Variants in GALT observed in about 807,000 individuals in gnomAD.
The protein encoded by GALT is galactose-1-phosphate uridylyltransferase.
In GALT, 42 loss-of-function variants were observed where a neutral mutation model predicts 55.4. The ratio of observed to expected loss-of-function variants is 0.76; its 90% confidence interval spans 0.59 to 0.98. GALT has a LOEUF of 0.98. Among genes scored for constraint, GALT ranks in the 50% least tolerant of loss-of-function variants. The probability of loss-of-function intolerance (pLI) is 0.00; values close to 1 mark genes in which losing one functional copy is unlikely to be tolerated. For missense variants in GALT, 407 were observed against 495.7 expected (o/e 0.82, Z 1.70); for synonymous variants, 154 against 181.5 (o/e 0.85, Z 1.22).
At position 34,649,547 on chromosome 9, in the gene GALT, G is replaced by A; in HGVS notation, c.1042G>A (p.Asp348Asn). ...CGAAATGCTTGCTCAGGCTCAGAGG[G>A]ACCTCACCCCTGAGCAGGTCAGGAC... ...GYEMLAQAQR[D>N]LTPEQAAERL... is the part of the protein sequence containing the mutation. The change falls in exon 10 of 11, where the codon GAC becomes AAC. Residue 348 changes from aspartate (D) to asparagine (N), a missense_variant. Coordinates refer to ENST00000378842, the MANE Select transcript of GALT (RefSeq NM_000155.4). 1 of 1,614,192 alleles carries A rather than the reference G, an allele frequency of 6.2e-7. No homozygotes were observed.
In GALT at chr9:34,647,917, G is replaced by A; in HGVS notation, c.463G>A (p.Ala155Thr). 1 of 1,614,250 alleles carries A rather than the reference G, an allele frequency of 6.2e-7. No homozygotes were observed. Among genetic ancestry groups the A allele is most frequent in the Admixed American group, 1.7e-5 (1 of 60,028 alleles). The change falls in exon 5 of 11, where the codon GCC becomes ACC. Residue 155 changes from alanine (A) to threonine (T), a missense_variant. Transcript: ENST00000378842. This position sits in a 1 kb window ranked among gnomAD's most constrained non-coding sequence, Gnocchi z 5.6. Reference sequence around the variant, plus strand: ...GATCCGGGCTGTTGTTGATGCATGGGCCTCAGTCACAGAGGAGCTGGGTGC... The same window carrying A: ...GATCCGGGCTGTTGTTGATGCATGGACCTCAGTCACAGAGGAGCTGGGTGC... The part of the protein sequence containing the change: ...PEIRAVVDAW[A>T]SVTEELGAQY...
In GALT at chr9:34,648,396, T is replaced by C; in HGVS notation, c.627T>C (p.Tyr209=). The C allele has an allele frequency of 6.2e-7, 1 of 1,614,146 alleles. No individual in the cohort carries two copies. The highest frequency in any genetic ancestry group is 8.5e-7 in the Non-Finnish European group (1 of 1,180,022). The part of the protein sequence containing the change: ...AQREERSQQA[Y]KSQHGEPLLM... The stretch of plus-strand genomic sequence containing the variant: ...GTGAGGAGCGATCTCAGCAGGCCTA[T>C]AAGAGTCAGCATGGAGAGCCCCTGC... Residue 209 remains tyrosine (Y), a synonymous_variant, in exon 7 of 11, where the codon TAT becomes TAC. Transcript: ENST00000378842. The surrounding 1 kb of genome is among the most constrained non-coding windows in gnomAD (Gnocchi z 4.9).
In GALT at chr9:34,649,032, G is replaced by A; in HGVS notation, c.855G>A (p.Lys285=). The change falls in exon 9 of 11, where the codon AAG becomes AAA. Residue 285 remains lysine (K), a synonymous_variant. Transcript: ENST00000378842. ...LASIMKKLLT[K]YDNLFETSFP... is the part of the protein sequence containing the mutation. ...CCATCATGAAGAAGCTCTTGACCAA[G>A]TATGACAACCTCTTTGAGACGTCCT... The A allele has an allele frequency of 6.2e-7, 1 of 1,614,162 alleles. No homozygotes were observed. The highest frequency in any genetic ancestry group is 8.5e-7 in the Non-Finnish European group (1 of 1,180,034).
chr9:34,650,373 C>T lies in GALT; in HGVS notation c.1064C>T (p.Ala355Val), dbSNP rs1275280081. The change falls in exon 11 of 11, where the codon GCA becomes GTA. Residue 355 changes from alanine to valine, a missense_variant. By Grantham distance (64) the Ala-to-Val change is moderately conservative (BLOSUM62 0). Coordinates refer to ENST00000378842, the MANE Select transcript of GALT (RefSeq NM_000155.4). The stretch of plus-strand genomic sequence containing the variant: ...TGCTCCCTGTCCCTTTTCCAGGCTG[C>T]AGAGAGACTAAGGGCACTTCCTGAG... ...AQRDLTPEQA[A>V]ERLRALPEVH... 1 of 1,613,204 alleles carries T rather than the reference C, an allele frequency of 6.2e-7. No individual in the cohort carries two copies. The highest frequency in any genetic ancestry group is 2.2e-5 in the East Asian group (1 of 44,852).
Position 34,647,176 on chromosome 9 carries a change from T to A in GALT, c.170T>A (p.Val57Glu). The change falls in exon 2 of 11, where the codon GTG becomes GAG. Residue 57 changes from valine to glutamate, a missense_variant. Transcript: ENST00000378842. This position sits in a 1 kb window ranked among gnomAD's most constrained non-coding sequence, Gnocchi z 5.6. ...HRMKRPWQGQ[V>E]EPQLLKTVPR... is the part of the protein sequence containing the mutation. Reference sequence around the variant, plus strand: ...ATGAAGCGGCCCTGGCAGGGTCAAGTGGAGCCCCAGCTTCTGAAGACAGTG... The same window carrying A: ...ATGAAGCGGCCCTGGCAGGGTCAAGAGGAGCCCCAGCTTCTGAAGACAGTG... 1 of 1,614,136 alleles carries A rather than the reference T, an allele frequency of 6.2e-7. No individual in the cohort carries two copies. Among genetic ancestry groups the A allele is most frequent in the Non-Finnish European group, 8.5e-7 (1 of 1,180,014 alleles).
At chr9:34,649,641 T>C in intron 10 of GALT, 77 bp downstream of exon 10, 1 of 1,537,546 alleles carries the variant, frequency 6.5e-7, no homozygotes, top group East Asian at 2.3e-5. Flanking sequence ...TCTGTTGCCC[T>C]TGTGCTCCAG....
chr9:34,647,406 C>A lies in GALT; in HGVS notation c.253-86C>A. 3 of 1,573,346 alleles carry A rather than the reference C, an allele frequency of 1.9e-6. No individual in the cohort carries two copies. Among genetic ancestry groups the A allele is most frequent in the Non-Finnish European group, 2.6e-6 (3 of 1,143,126 alleles). On this transcript the variant is annotated intron_variant, in intron 2 of 10. Coordinates refer to ENST00000378842, the MANE Select transcript of GALT (RefSeq NM_000155.4). This position sits in a 1 kb window ranked among gnomAD's most constrained non-coding sequence, Gnocchi z 5.6. Reference sequence around the variant, plus strand: ...TCCCCTAGGGTGGGCCTTCCCTACTCCCTTGTAGCCTGTCCAGTCTTTGAA... The same window carrying A: ...TCCCCTAGGGTGGGCCTTCCCTACTACCTTGTAGCCTGTCCAGTCTTTGAA...
At position 34,649,419 on chromosome 9, in the gene GALT, C is replaced by T. The variant is rs1383205923; in HGVS notation, c.914C>T (p.Thr305Ile). ...CTCTTCTTTCTGTCAGGGGCTCCCA[C>T]AGGATCAGAGGCTGGGGCCAACTGG... is the stretch of plus-strand genomic sequence containing the variant. ...PYSMGWHGAPTGSEAGANWNH... is the reference protein window; with the variant it reads ...PYSMGWHGAPIGSEAGANWNH... Residue 305 changes from threonine (T) to isoleucine (I), a missense_variant, in exon 10 of 11, where the codon ACA (threonine) becomes ATA (isoleucine). Physicochemically the swap from Thr to Ile is moderately conservative, Grantham distance 89 (BLOSUM62 -1). Transcript: ENST00000378842. 1.2e-6 allele frequency: 2 copies of T among 1,614,184 alleles called. No homozygotes were observed. Among genetic ancestry groups the T allele is most frequent in the African/African-American group, 2.7e-5 (2 of 75,054 alleles).
chr9:34,648,949 G>A lies in GALT; in HGVS notation c.821-49G>A. ...AGGCACTGGATGGAGGTTGCTCCCAGTAGGGTCAGCATCTGGACCCCAGGC... is the reference window on the plus strand; with the variant it reads ...AGGCACTGGATGGAGGTTGCTCCCAATAGGGTCAGCATCTGGACCCCAGGC... On this transcript the variant is annotated intron_variant, in intron 8 of 10. Transcript: ENST00000378842. The surrounding 1 kb of genome is among the most constrained non-coding windows in gnomAD (Gnocchi z 4.9). The A allele has an allele frequency of 1.2e-6, 2 of 1,613,726 alleles. No individual in the cohort carries two copies. Among genetic ancestry groups the A allele is most frequent in the South Asian group, 2.2e-5 (2 of 91,074 alleles).
chr9:34,648,751 T>C lies in GALT; in HGVS notation c.688-11T>C, dbSNP rs765318548. 4 of 1,612,936 alleles carry C rather than the reference T, an allele frequency of 2.5e-6. No individual in the cohort carries two copies. The highest frequency in any genetic ancestry group is 1.1e-5 in the South Asian group (1 of 91,068). ...CACCTTGATGACTTCCTATCCATTCTGTCTTCCTAGGAACGTCTGGTCCTA... is the reference window on the plus strand; with the variant it reads ...CACCTTGATGACTTCCTATCCATTCCGTCTTCCTAGGAACGTCTGGTCCTA... On this transcript the variant is annotated splice_polypyrimidine_tract_variant and intron_variant, in intron 7 of 10. Transcript: ENST00000378842. The surrounding 1 kb of genome is among the most constrained non-coding windows in gnomAD (Gnocchi z 4.9).
chr9:34,647,958 G>A lies in GALT; in HGVS notation c.504G>A (p.Val168=), dbSNP rs913565225. Residue 168 remains valine, a synonymous_variant, in exon 5 of 11, where the codon GTG becomes GTA. Transcript: ENST00000378842. This position sits in a 1 kb window ranked among gnomAD's most constrained non-coding sequence, Gnocchi z 5.6. The stretch of plus-strand genomic sequence containing the variant: ...AGCTGGGTGCCCAGTACCCTTGGGT[G>A]CAGGTTTGTGAGGTCGCCCCTTCCC... The part of the protein sequence containing the change: ...TEELGAQYPW[V]QIFENKGAMM... The A allele has an allele frequency of 4.3e-6, 7 of 1,614,258 alleles. No individual in the cohort carries two copies. The South Asian group carries it at 6.6e-5, about 15-fold the overall frequency.
In GALT at chr9:34,647,030, G is replaced by C. The variant is rs1472054363; in HGVS notation, c.83-59G>C. 1.2e-6 allele frequency: 2 copies of C among 1,612,310 alleles called. No individual in the cohort carries two copies. The highest frequency in any genetic ancestry group is 1.7e-6 in the Non-Finnish European group (2 of 1,179,050). ...CGAGCTTGGGCCTGCTGGTGGGTGA[G>C]ACCCAGGAGAGAGGGAGCTAGAGAG... On this transcript the variant is annotated intron_variant, in intron 1 of 10. Coordinates refer to ENST00000378842, the MANE Select transcript of GALT (RefSeq NM_000155.4). The surrounding 1 kb of genome is among the most constrained non-coding windows in gnomAD (Gnocchi z 5.6).
At position 34,647,618 on chromosome 9, in the gene GALT, G is replaced by T. The variant is rs750391010; in HGVS notation, c.329-39G>T. 1 of 1,614,098 alleles carries T rather than the reference G, an allele frequency of 6.2e-7. No individual in the cohort carries two copies. ...GGAGGAGGGTGGCTAGACCTCTTGA[G>T]GGACTTCTGCTGCAGAGAGTGATAC... On this transcript the variant is annotated intron_variant, in intron 3 of 10. Transcript: ENST00000378842. The surrounding 1 kb of genome is among the most constrained non-coding windows in gnomAD (Gnocchi z 5.6).
rs1821239945 is a variant in GALT, at chr9:34,651,010, T to C, written c.*561T>C. The C allele has an allele frequency of 6.3e-6, 1 of 159,670 alleles. No homozygotes were observed. Among genetic ancestry groups the C allele is most frequent in the African/African-American group, 2.4e-5 (1 of 41,534 alleles). The allele number at this position is 159,670 out of a possible 1,614,324, so 9.9% of individuals were successfully genotyped here. A position where few individuals can be genotyped will look rare whatever the true frequency, so the allele number is the denominator to read the frequency against. ...TTTGTGAGTGGCTGCAGCTTGGCTCTGCTCCAGCCCACAGGGGCTAAAGGG... is the reference window on the plus strand; with the variant it reads ...TTTGTGAGTGGCTGCAGCTTGGCTCCGCTCCAGCCCACAGGGGCTAAAGGG... On this transcript the variant is annotated 3_prime_UTR_variant, in exon 11 of 11. Transcript: ENST00000378842. This position sits in a 1 kb window ranked among gnomAD's most constrained non-coding sequence, Gnocchi z 4.3.
intron 1 of GALT, 100 bp from the exon 2 acceptor site, chr9:34,646,989 G>A (rs544666695): frequency 1.2e-6 from 2 of 1,606,800 alleles, no homozygotes; most frequent in African/African-American, 2.7e-5. Flanking sequence ...GCGGGACAGG[G>A]CCGAGAGGGC....
chr9:34,650,203 C>G, intron 10 of GALT, 166 bp from the exon 11 acceptor site: 1 of 621,782 alleles, frequency 1.6e-6, no homozygotes, highest in African/African-American at 1.9e-5. Context: ...TCACTTGGGC[C>G]CAGGAGTTTG....
Position 34,647,987 on chromosome 9 carries a change from G to A in GALT, c.507+26G>A, listed in dbSNP as rs781087115. On this transcript the variant is annotated intron_variant, in intron 5 of 10. Transcript: ENST00000378842. This position sits in a 1 kb window ranked among gnomAD's most constrained non-coding sequence, Gnocchi z 5.6. The stretch of plus-strand genomic sequence containing the variant: ...GTTTGTGAGGTCGCCCCTTCCCCTG[G>A]ATGGGCAGGGAGGGGGTGATGAAGC... 2 of 1,614,210 alleles carry A rather than the reference G, an allele frequency of 1.2e-6. No homozygotes were observed. The highest frequency in any genetic ancestry group is 2.2e-5 in the South Asian group (2 of 91,082).
rs766778777 is a variant in GALT, at chr9:34,647,168, G to A, written c.162G>A (p.Gln54=). Residue 54 remains glutamine, a synonymous_variant, in exon 2 of 11, where the codon CAG becomes CAA. Transcript: ENST00000378842. This position sits in a 1 kb window ranked among gnomAD's most constrained non-coding sequence, Gnocchi z 5.6. ...CTCACCGCATGAAGCGGCCCTGGCAGGGTCAAGTGGAGCCCCAGCTTCTGA... is the reference window on the plus strand; with the variant it reads ...CTCACCGCATGAAGCGGCCCTGGCAAGGTCAAGTGGAGCCCCAGCTTCTGA... ...VSAHRMKRPW[Q]GQVEPQLLKT... 6.2e-7 allele frequency: 1 copy of A among 1,614,194 alleles called. No homozygotes were observed. The highest frequency in any genetic ancestry group is 2.2e-5 in the East Asian group (1 of 44,874).
Position 34,647,381 on chromosome 9 carries a change from TC to T in GALT, c.253-107del. The T allele has an allele frequency of 1.9e-6, 3 of 1,575,550 alleles. No individual in the cohort carries two copies. Among genetic ancestry groups the T allele is most frequent in the Non-Finnish European group, 2.6e-6 (3 of 1,145,588 alleles). ...GGTCATATCCCACCAAGCTTTTTGG[TC>T]CCCTAGGGTGGGCCTTCCCTACTCC... is the stretch of plus-strand genomic sequence containing the variant. On this transcript the variant is annotated intron_variant, in intron 2 of 10. Coordinates refer to ENST00000378842, the MANE Select transcript of GALT (RefSeq NM_000155.4). This position sits in a 1 kb window ranked among gnomAD's most constrained non-coding sequence, Gnocchi z 5.6.
Sources: gnomAD v4.1 joint callset for allele counts on GRCh38, gnomAD v4.1.1 for gene constraint, Gnocchi (gnomAD v3.1) non-coding constraint, MANE v1.5 for transcripts, NCBI Gene and HGNC (gene_info 2026-07-23, HGNC 2026-07-21) for gene names.